FRMPD4: variants seen among roughly 807,000 people sequenced by gnomAD.
FRMPD4 encodes the protein FERM and PDZ domain-containing protein 4.
Under a neutral mutation model 94.1 loss-of-function variants are expected in FRMPD4, and 22 were observed. The ratio of observed to expected loss-of-function variants is 0.23; its 90% CI spans 0.17 to 0.33. The LOEUF (loss-of-function observed/expected upper bound fraction) is 0.33, where lower values mean the gene tolerates loss of function less well. Among genes scored for constraint, FRMPD4 ranks in the 10% least tolerant of loss-of-function variants. The pLI, the probability that FRMPD4 is intolerant of heterozygous loss-of-function variation, is 1.00. For missense variants in FRMPD4, 1,111 were observed against 1,339.9 expected (o/e 0.83, Z 2.67); for synonymous variants, 631 against 548.6 (o/e 1.15, Z -2.10).
At chrX:12,068,070 A>C (rs981933422) in intron 3 of FRMPD4, among the ~76,000 whole-genome samples, 1 of 111,694 alleles carries the variant, frequency 9.0e-6, no homozygotes, top group Non-Finnish European at 1.9e-5. Flanking sequence ...AGATGGAAGC[A>C]GAGGTGAGAG....
chrX:12,233,924 A>G (rs113599919), intron 1 of FRMPD4, among the ~76,000 whole-genome samples: 129 of 112,145 alleles, frequency 1.2e-3, no homozygotes, highest in African/African-American at 3.9e-3. Context: ...TGCCTCCTCC[A>G]AGGGGATATC....
intron 1 of FRMPD4, among the ~76,000 whole-genome samples, chrX:12,215,652 G>C (rs370690536): frequency 8.9e-6 from 1 of 111,963 alleles, no homozygotes; most frequent in East Asian, 2.8e-4. Context: ...GACAGGTCAA[G>C]TGACTTACCT....
intron 4 of FRMPD4, among the ~76,000 whole-genome samples, chrX:12,620,905 G>A (rs185381624): frequency 8.9e-6 from 1 of 112,316 alleles, no homozygotes; most frequent in Admixed American, 9.4e-5. Flanking sequence ...GCTGAAACCA[G>A]TCTATAAAGA....
intron 2 of FRMPD4, among the ~76,000 whole-genome samples, chrX:12,547,545 T>C (rs2058491560): frequency 8.9e-6 from 1 of 112,587 alleles, no homozygotes; most frequent in Non-Finnish European, 1.9e-5. Context: ...GCTACTCTTA[T>C]TCCCATACAT....
At chrX:12,678,823 C>T (rs976156562) in intron 5 of FRMPD4, among the ~76,000 whole-genome samples, 1 of 112,056 alleles carries the variant, frequency 8.9e-6, no homozygotes, top group African/African-American at 3.2e-5. Flanking sequence ...GAAACTCTGT[C>T]TCAAAAAACA....
intron 1 of FRMPD4, among the ~76,000 whole-genome samples, chrX:12,389,248 C>T (rs927654424): frequency 3.6e-5 from 4 of 109,704 alleles, no homozygotes; most frequent in East Asian, 2.8e-4. Flanking sequence ...CTGAGGTGGG[C>T]GGATCACCTC....
rs148497180 is a variant in FRMPD4 at position 12,106,459 on chromosome X, A to G, written c.95+228441A>G. Among the ~76,000 whole-genome samples the G allele has an allele frequency of 5.6e-3, 621 of 111,086 alleles. 3 individuals carry two copies. The highest frequency in any genetic ancestry group is 9.3e-3 in the Middle Eastern group (2 of 214). ...GGCCAAATAGGAACAGCTCCAGTCT[A>G]CAGCTCCCAGCATGAGCAACGCAGA... On this transcript the variant is annotated intron_variant, in intron 3 of 18. Transcript: ENST00000640291.
chrX:12,658,610 T>C (rs1037986558), intron 4 of FRMPD4, among the ~76,000 whole-genome samples: 1 of 112,035 alleles, frequency 8.9e-6, no homozygotes, highest in Admixed American at 9.4e-5. Context: ...CCTGGTGGCC[T>C]GCTTTTGCTT....
At chrX:12,205,157 T>C (rs778286308) in intron 1 of FRMPD4, among the ~76,000 whole-genome samples, 7 of 109,803 alleles carry the variant, frequency 6.4e-5, no homozygotes, top group Non-Finnish European at 1.1e-4. Context: ...GAAGGGACTT[T>C]TGAAGCCCAT....
At chrX:12,379,642 C>CGTGTGTGTGT (rs55742933) in intron 1 of FRMPD4, among the ~76,000 whole-genome samples, 947 of 89,955 alleles carry the variant, frequency 0.011, 11 homozygotes, top group African/African-American at 0.021. Context: ...GATATGCTGC[C>CGTGTGTGTGT]GTGTGTGTGT....
At chrX:12,475,950 T>G (rs2057591992) in intron 1 of FRMPD4, among the ~76,000 whole-genome samples, 1 of 111,491 alleles carries the variant, frequency 9.0e-6, no homozygotes, top group South Asian at 3.8e-4. Flanking sequence ...CTTCACAGAA[T>G]TGGAAAAAGC....
chrX:12,567,713 G>A lies in FRMPD4; in HGVS notation c.159-42008G>A, dbSNP rs551399574. Among the ~76,000 whole-genome samples, 19 of 111,362 alleles carry A rather than the reference G, an allele frequency of 1.7e-4. No individual in the cohort carries two copies. The South Asian group carries it at 3.4e-3, about 20-fold the overall frequency. On this transcript the variant is annotated intron_variant, in intron 2 of 16. Transcript: ENST00000675598. ...ACCAGGCTTCTGACAGGCCTTAGAT[G>A]TTTCCTGCACTAGGATTGATGACCC...
Position 11,886,038 on chromosome X carries a change from G to A in FRMPD4, c.95+8020G>A, listed in dbSNP as rs146840968. ...TTTTAGTGGCTGAGATGATTTTATG[G>A]CCAAATACTTATAAAACCAAGGTGC... On this transcript the variant is annotated intron_variant, in intron 3 of 18. Coordinates refer to the FRMPD4 transcript ENST00000640291. Among the ~76,000 whole-genome samples, 206 of 111,580 alleles carry A rather than the reference G, an allele frequency of 1.8e-3. 1 individual carries two copies. Among genetic ancestry groups the A allele is most frequent in the African/African-American group, 5.6e-3 (172 of 30,744 alleles).
At chrX:11,977,159 G>C (rs962406713) in intron 3 of FRMPD4, among the ~76,000 whole-genome samples, 1 of 88,860 alleles carries the variant, frequency 1.1e-5, no homozygotes, top group South Asian at 5.4e-4. Flanking sequence ...TTATTAAAAA[G>C]TGGAACTGTG....
intron 2 of FRMPD4, among the ~76,000 whole-genome samples, chrX:12,520,789 C>T (rs2058154237): frequency 8.9e-6 from 1 of 112,101 alleles, no homozygotes; most frequent in Admixed American, 9.4e-5. Flanking sequence ...AAAACTGAAC[C>T]AGTTACTATG....
At chrX:12,350,592 T>G (rs2055787223) in intron 1 of FRMPD4, among the ~76,000 whole-genome samples, 1 of 112,337 alleles carries the variant, frequency 8.9e-6, no homozygotes, top group Non-Finnish European at 1.9e-5. Flanking sequence ...TCAAAATGTT[T>G]TTGATTAAAA....
intron 1 of FRMPD4, among the ~76,000 whole-genome samples, chrX:12,348,058 ACACT>A (rs1170199709): frequency 3.6e-5 from 4 of 112,046 alleles, no homozygotes; most frequent in Non-Finnish European, 7.5e-5. Flanking sequence ...TTTAGTGGGA[ACACT>A]CAAAGTATTA....
chrX:12,678,655 G>A (rs776915140), intron 5 of FRMPD4, among the ~76,000 whole-genome samples: 7 of 111,623 alleles, frequency 6.3e-5, no homozygotes, highest in South Asian at 7.6e-4. Context: ...GAGAAACCCC[G>A]TCTCTACTAA....
chrX:12,693,720 G>A lies in FRMPD4; in HGVS notation c.814-615G>A, dbSNP rs745954619. 7.1e-5 allele frequency among the ~76,000 whole-genome samples: 8 copies of A among 112,263 alleles called. No individual in the cohort carries two copies. The East Asian group carries it at 1.9e-3, about 27-fold the overall frequency. On this transcript the variant is annotated intron_variant, in intron 8 of 16. Coordinates refer to ENST00000675598, the MANE Select transcript of FRMPD4 (RefSeq NM_001368397.1). ...ACAAAACAAAACACAGCAATGTTAT[G>A]CAATAATAAACCATACTGGACAATC... is the stretch of plus-strand genomic sequence containing the variant.
Sources: gnomAD v4.1 joint callset for allele counts (sites outside exome capture counted in the v4.1 genomes callset) on GRCh38, gnomAD v4.1.1 for gene constraint, MANE v1.5 for transcripts, NCBI Gene and HGNC (gene_info 2026-07-23, HGNC 2026-07-21) for gene names.